REV3L: variants seen among roughly 807,000 people sequenced by gnomAD.
REV3L encodes DNA polymerase zeta catalytic subunit.
A neutral mutation model predicts 299.4 loss-of-function variants in REV3L; 69 were observed. That is an observed-to-expected ratio of 0.23 (90% CI 0.19 to 0.28). REV3L has a LOEUF of 0.28. REV3L is among the 10% of genes least tolerant of loss of function. The pLI is 1.00. For synonymous variants in REV3L, 1,238 were observed against 1,271.4 expected (o/e 0.97, Z 0.56); for missense variants, 3,128 against 3,693.8 (o/e 0.85, Z 3.97).
Position 111,299,964 on chromosome 6 carries a change from T to G in REV3L, c.*52A>C. On this transcript the variant is annotated 3_prime_UTR_variant, in exon 32 of 32. Coordinates refer to ENST00000368802, the MANE Select transcript of REV3L (RefSeq NM_001372078.1). ...TTAAAAAGCACCATGCACAACAGTT[T>G]AGTGGTAAGCACTGAAAAAAATAGC... 3.2e-6 allele frequency: 5 copies of G among 1,554,474 alleles called. No individual in the cohort carries two copies. In the South Asian group the frequency reaches 6.1e-5, roughly 19 times the overall value.
chr6:111,307,723 C>G, intron 30 of REV3L, 153 bp from the exon 31 acceptor site: 1 of 657,336 alleles, frequency 1.5e-6, no homozygotes. Context: ...AGGCACTGTT[C>G]CAGACACTGG....
intron 24 of REV3L, 50 bp from the exon 25 acceptor site, chr6:111,329,788 A>G: frequency 2.9e-6 from 4 of 1,376,598 alleles, no homozygotes; most frequent in Non-Finnish European, 4.1e-6. Context: ...TTATAGATTT[A>G]CATAATTAAG....
chr6:111,400,476 C>T (rs540338303), intron 4 of REV3L, among the ~76,000 whole-genome samples: 45 of 152,258 alleles, frequency 3.0e-4, no homozygotes, highest in Middle Eastern at 3.4e-3. Context: ...ATTTCCCTAA[C>T]GACATATAAT....
chr6:111,332,995 T>A, intron 23 of REV3L, 128 bp downstream of exon 23: 1 of 1,052,152 alleles, frequency 9.5e-7, no homozygotes, highest in Non-Finnish European at 1.4e-6. Flanking sequence ...ATGGATTAGC[T>A]GGGATACAGT....
chr6:111,377,032 C>T (rs781345765), intron 12 of REV3L, among the ~76,000 whole-genome samples: 5 of 152,156 alleles, frequency 3.3e-5, no homozygotes, highest in Non-Finnish European at 7.3e-5. Context: ...AATACTGTCA[C>T]TTTAAAAATG....
In REV3L at chr6:111,374,368, A is replaced by C; in HGVS notation, c.3987T>G (p.Pro1329=). ...TTTGAACATTAATTTTTGAGACTCCAGGTCCTATAGAATTACAAACAACTG... is the reference window on the plus strand; with the variant it reads ...TTTGAACATTAATTTTTGAGACTCCCGGTCCTATAGAATTACAAACAACTG... ...HPSVVCNSIG[P]GVSKINVQRP... is the part of the protein sequence containing the mutation. The change falls in exon 13 of 32, where the codon CCT becomes CCG. Residue 1329 remains proline (P), a synonymous_variant. Coordinates refer to ENST00000368802, the MANE Select transcript of REV3L (RefSeq NM_001372078.1). 1 of 1,614,016 alleles carries C rather than the reference A, an allele frequency of 6.2e-7. No individual in the cohort carries two copies. The highest frequency in any genetic ancestry group is 2.2e-5 in the East Asian group (1 of 44,874).
At position 111,432,685 on chromosome 6, in the gene REV3L, C is replaced by G. The variant is rs572070887; in HGVS notation, c.140-16213G>C. Among the ~76,000 whole-genome samples the G allele has an allele frequency of 1.8e-4, 27 of 152,250 alleles. No homozygotes were observed. The East Asian group carries it at 3.1e-3, about 17-fold the overall frequency. ...GAAAGAACACTGGAGTTAAGCTACA[C>G]AGTACACAAACAGGCCTAATCAACA... On this transcript the variant is annotated intron_variant, in intron 1 of 31. Transcript: ENST00000368802.
intron 1 of REV3L, among the ~76,000 whole-genome samples, chr6:111,422,105 C>T (rs189942980): frequency 9.8e-4 from 149 of 151,912 alleles, no homozygotes; most frequent in African/African-American, 3.5e-3. Context: ...AAAATGTACA[C>T]GAAGATTCAG....
intron 20 of REV3L, among the ~76,000 whole-genome samples, chr6:111,345,055 G>C (rs1452518652): frequency 6.6e-6 from 1 of 152,110 alleles, no homozygotes; most frequent in Non-Finnish European, 1.5e-5. Context: ...GTTGTAAAAA[G>C]GTAGAGAGCA....
intron 11 of REV3L, among the ~76,000 whole-genome samples, 156 bp downstream of exon 11, chr6:111,379,826 A>G (rs1240441364): frequency 6.6e-6 from 1 of 152,230 alleles, no homozygotes; most frequent in Non-Finnish European, 1.5e-5. Flanking sequence ...TATGGAGTAT[A>G]CGCCATATGA....
chr6:111,441,017 T>C (rs1248898956), intron 1 of REV3L, among the ~76,000 whole-genome samples: 2 of 152,252 alleles, frequency 1.3e-5, no homozygotes, highest in African/African-American at 4.8e-5. Flanking sequence ...CTGGTTTCTT[T>C]CAAAATTTTC....
At chr6:111,404,050 G>C (rs1783365556) in intron 4 of REV3L, among the ~76,000 whole-genome samples, 1 of 152,144 alleles carries the variant, frequency 6.6e-6, no homozygotes, top group Admixed American at 6.5e-5. Flanking sequence ...TAACAGATTT[G>C]CAATGTAGAT....
chr6:111,420,697 C>G (rs375909928), intron 1 of REV3L, among the ~76,000 whole-genome samples: 3 of 152,190 alleles, frequency 2.0e-5, no homozygotes, highest in African/African-American at 7.2e-5. Context: ...TTTTAAAAAG[C>G]GCCACCAAAA....
intron 31 of REV3L, among the ~76,000 whole-genome samples, chr6:111,304,096 C>CA (rs1237680777): frequency 6.6e-6 from 1 of 151,372 alleles, no homozygotes; most frequent in Non-Finnish European, 1.5e-5. Context: ...GATATATAAT[C>CA]ACAAGGTCTG....
chr6:111,483,129 T>C lies in REV3L; in HGVS notation c.-241A>G. ...GAAGCCCTCGAGCTTTCGTCGGTGCTGGTGCTGCCGCCACTGCCGCCACCG... is the reference window on the plus strand; with the variant it reads ...GAAGCCCTCGAGCTTTCGTCGGTGCCGGTGCTGCCGCCACTGCCGCCACCG... On this transcript the variant is annotated 5_prime_UTR_variant, in exon 1 of 32. Coordinates refer to ENST00000368802, the MANE Select transcript of REV3L (RefSeq NM_001372078.1). 1 of 498,618 alleles carries C rather than the reference T, an allele frequency of 2.0e-6. No individual in the cohort carries two copies. The highest frequency in any genetic ancestry group is 2.0e-5 in the African/African-American group (1 of 49,242). The allele number at this position is 498,618 out of a possible 1,614,324, so 30.9% of individuals were successfully genotyped here. A position where few individuals can be genotyped will look rare whatever the true frequency, so the allele number is the denominator to read the frequency against.
intron 22 of REV3L, 110 bp from the exon 23 acceptor site, chr6:111,333,477 C>CTTT: frequency 4.0e-6 from 4 of 1,000,838 alleles, no homozygotes; most frequent in East Asian, 2.9e-5. Flanking sequence ...GATTGTATGA[C>CTTT]TTTTTTTTTT....
chr6:111,303,698 T>TG (rs1771918478), intron 31 of REV3L, among the ~76,000 whole-genome samples: 2 of 40,752 alleles, frequency 4.9e-5, no homozygotes, highest in East Asian at 9.5e-4. Context: ...TAACAGACTA[T>TG]GACTTTTTTT....
intron 1 of REV3L, among the ~76,000 whole-genome samples, chr6:111,442,372 G>A (rs943836503): frequency 2.0e-5 from 3 of 152,010 alleles, no homozygotes; most frequent in Non-Finnish European, 4.4e-5. Flanking sequence ...TTGAAAACTT[G>A]AACTTTTTAT....
At chr6:111,350,601 G>C (rs1388398696) in intron 19 of REV3L, among the ~76,000 whole-genome samples, 3 of 152,076 alleles carry the variant, frequency 2.0e-5, no homozygotes, top group Non-Finnish European at 4.4e-5. Flanking sequence ...TTATAAGACA[G>C]AGTCTTGTTC....
Sources: allele counts gnomAD v4.1 joint callset (sites outside exome capture counted in the v4.1 genomes callset), GRCh38; gene constraint gnomAD v4.1.1; transcripts MANE v1.5; gene names NCBI Gene and HGNC (gene_info 2026-07-23, HGNC 2026-07-21).